Variants in PEX14 observed in about 807,000 individuals in gnomAD.
The protein encoded by PEX14 is peroxisomal membrane protein PEX14.
A neutral mutation model predicts 49.5 loss-of-function variants in PEX14; 15 were observed. The ratio of observed to expected loss-of-function variants is 0.30; its 90% CI spans 0.20 to 0.47. The LOEUF is 0.47. Ranked by LOEUF, PEX14 falls within the 20% of genes least tolerant of loss-of-function variation. PEX14 has a pLI of 1.00. For missense variants in PEX14, 398 were observed against 494.8 expected (o/e 0.80, Z 1.86); for synonymous variants, 210 against 212.7 (o/e 0.99, Z 0.11).
chr1:10,618,222 G>A, intron 4 of PEX14, 110 bp from the exon 5 acceptor site: 4 of 774,728 alleles, frequency 5.2e-6, no homozygotes, highest in Non-Finnish European at 9.1e-6. Context: ...TGTTCCACTT[G>A]CCCATTGTTG....
At chr1:10,561,855 GTTTC>G (rs1050240229) in intron 3 of PEX14, among the ~76,000 whole-genome samples, 10 of 151,886 alleles carry the variant, frequency 6.6e-5, no homozygotes, top group Non-Finnish European at 1.0e-4. Context: ...TTCCTCTTCT[GTTTC>G]TTTCTCTTCT....
intron 1 of PEX14, among the ~76,000 whole-genome samples, chr1:10,489,769 G>C (rs1374265794): frequency 2.0e-5 from 3 of 152,186 alleles, no homozygotes; most frequent in African/African-American, 7.2e-5. Flanking sequence ...TAAGTGGGTG[G>C]CGTGCTCTGC....
intron 4 of PEX14, among the ~76,000 whole-genome samples, chr1:10,609,514 C>T (rs1056689842): frequency 3.3e-5 from 5 of 152,188 alleles, no homozygotes; most frequent in African/African-American, 9.7e-5. Context: ...CCCTTTATGT[C>T]GTCCTTTTCC....
chr1:10,627,515 T>A, intron 8 of PEX14, 152 bp downstream of exon 8: 1 of 659,856 alleles, frequency 1.5e-6, no homozygotes, highest in Admixed American at 2.3e-5. Context: ...CCTTTTGAGC[T>A]TCTCTCTTCA....
chr1:10,522,056 G>A (rs920639880), intron 2 of PEX14, among the ~76,000 whole-genome samples: 2 of 152,118 alleles, frequency 1.3e-5, no homozygotes, highest in Non-Finnish European at 2.9e-5. Flanking sequence ...TCATGAAGTC[G>A]GCTCTTGCAT....
chr1:10,560,862 C>T (rs1476679730), intron 3 of PEX14, among the ~76,000 whole-genome samples: 2 of 151,616 alleles, frequency 1.3e-5, no homozygotes, highest in Non-Finnish European at 2.9e-5. Context: ...GGATTATAGG[C>T]GCACACCACC....
chr1:10,549,647 C>T (rs1435842336), intron 3 of PEX14, among the ~76,000 whole-genome samples: 1 of 152,112 alleles, frequency 6.6e-6, no homozygotes, highest in African/African-American at 2.4e-5. Flanking sequence ...ATGCTTGGGA[C>T]CAGAAATGTT....
intron 2 of PEX14, among the ~76,000 whole-genome samples, chr1:10,531,991 C>T (rs1638662919): frequency 6.6e-6 from 1 of 152,186 alleles, no homozygotes; most frequent in Non-Finnish European, 1.5e-5. Flanking sequence ...CTCAGTTCTT[C>T]TCACTGGGGA....
chr1:10,516,831 C>T (rs942054551), intron 2 of PEX14, among the ~76,000 whole-genome samples: 1 of 152,200 alleles, frequency 6.6e-6, no homozygotes, highest in African/African-American at 2.4e-5. Flanking sequence ...TGGGTGAGGA[C>T]AGCCTGGTGA....
intron 1 of PEX14, among the ~76,000 whole-genome samples, chr1:10,487,481 C>CTTTTTTTTTTTTTTTTTTTTTTT (rs33968565): frequency 4.4e-4 from 38 of 86,750 alleles, no homozygotes; most frequent in Non-Finnish European, 6.2e-4. Context: ...TTCTTTCTTT[C>CTTTTTTTTTTTTTTTTTTTTTTT]TTTTTTTTTT....
At position 10,629,710 on chromosome 1, in the gene PEX14, C is replaced by T. The variant is rs1223454336; in HGVS notation, c.857C>T (p.Ser286Phe). 4.4e-6 allele frequency: 7 copies of T among 1,608,690 alleles called. No individual in the cohort carries two copies. The highest frequency in any genetic ancestry group is 5.9e-6 in the Non-Finnish European group (7 of 1,177,578). ...PGKEGHSPEG[S>F]TVTYHLLGPQ... ...AAGGAGGGCCACAGCCCCGAGGGCT[C>T]CACGGTCACCTACCACTTGCTGGGC... The change falls in exon 9 of 9, where the codon TCC (serine) becomes TTC (phenylalanine). Residue 286 changes from serine (S) to phenylalanine (F), a missense_variant. Coordinates refer to ENST00000356607, the MANE Select transcript of PEX14 (RefSeq NM_004565.3). The surrounding 1 kb of genome is among the most constrained non-coding windows in gnomAD (Gnocchi z 8.5).
At chr1:10,555,704 GT>G (rs1353652838) in intron 3 of PEX14, among the ~76,000 whole-genome samples, 1 of 151,948 alleles carries the variant, frequency 6.6e-6, no homozygotes, top group Admixed American at 6.6e-5. Context: ...CAGTGCCTGT[GT>G]TTACCAAGAA....
At chr1:10,498,924 A>G (rs1434244791) in intron 2 of PEX14, among the ~76,000 whole-genome samples, 1 of 152,204 alleles carries the variant, frequency 6.6e-6, no homozygotes, top group African/African-American at 2.4e-5. Context: ...TGAATTTCCC[A>G]CAGACTCTGG....
rs1641933631 is a variant in PEX14, at chr1:10,514,185, TG to T, written c.84+18865del. 6.6e-6 allele frequency among the ~76,000 whole-genome samples: 1 copy of T among 151,684 alleles called. No homozygotes were observed. On this transcript the variant is annotated intron_variant, in intron 2 of 8. Coordinates refer to ENST00000356607, the MANE Select transcript of PEX14 (RefSeq NM_004565.3). The surrounding 1 kb of genome is among the most constrained non-coding windows in gnomAD (Gnocchi z 4.4). ...GTGTGTGTGTGTGTGTGTGTGTGTGTGTGTGTGTGTGTGTATGGTGTTAGAA... is the reference window on the plus strand; with the variant it reads ...GTGTGTGTGTGTGTGTGTGTGTGTGTTGTGTGTGTGTGTATGGTGTTAGAA...
chr1:10,475,831 G>A (rs543515739), intron 1 of PEX14, among the ~76,000 whole-genome samples: 1 of 152,328 alleles, frequency 6.6e-6, no homozygotes, highest in African/African-American at 2.4e-5. Flanking sequence ...TGCCTGTGTG[G>A]TGTCATGTTG....
chr1:10,554,220 C>T (rs1274607879), intron 3 of PEX14, among the ~76,000 whole-genome samples: 1 of 147,546 alleles, frequency 6.8e-6, no homozygotes, highest in African/African-American at 2.5e-5. Context: ...AGGAGGATGG[C>T]GTGAACCTGG....
intron 3 of PEX14, among the ~76,000 whole-genome samples, chr1:10,580,370 G>T (rs1040417421): frequency 6.6e-6 from 1 of 152,002 alleles, no homozygotes; most frequent in Non-Finnish European, 1.5e-5. Context: ...GATTACAGGT[G>T]CATGCTACCT....
rs1640871682 is a variant in PEX14 at position 10,597,845 on chromosome 1, C to T, written c.170-1393C>T. Among the ~76,000 whole-genome samples, 1 of 152,196 alleles carries T rather than the reference C, an allele frequency of 6.6e-6. No individual in the cohort carries two copies. The highest frequency in any genetic ancestry group is 2.1e-4 in the South Asian group (1 of 4,826). On this transcript the variant is annotated intron_variant, in intron 3 of 8. Coordinates refer to ENST00000356607, the MANE Select transcript of PEX14 (RefSeq NM_004565.3). This position sits in a 1 kb window ranked among gnomAD's most constrained non-coding sequence, Gnocchi z 5.7. ...CCAGGGCTGTTTAGAAAAGTTCGGG[C>T]ATTTTCCTTTGACTAGCTGTGGTAG...
chr1:10,532,324 T>C (rs1046771938), intron 2 of PEX14, among the ~76,000 whole-genome samples: 2 of 151,732 alleles, frequency 1.3e-5, no homozygotes, highest in African/African-American at 4.8e-5. Context: ...TTCCCCAAAA[T>C]TGTGGAATTG....
Sources: gnomAD v4.1 joint callset for allele counts (sites outside exome capture counted in the v4.1 genomes callset) on GRCh38, gnomAD v4.1.1 for gene constraint, Gnocchi (gnomAD v3.1) non-coding constraint, MANE v1.5 for transcripts, NCBI Gene and HGNC (gene_info 2026-07-23, HGNC 2026-07-21) for gene names.